The following FGFRL1 variants were observed in gnomAD, a reference collection of about 807,000 sequenced individuals.
FGFRL1 encodes fibroblast growth factor receptor like 1.
In FGFRL1, 24 loss-of-function variants were observed where a neutral mutation model predicts 36.8. That is an observed-to-expected ratio of 0.65 (90% CI 0.47 to 0.92). The LOEUF is 0.92. FGFRL1 is among the 40% of genes least tolerant of loss of function. The pLI is 0.00. For synonymous variants in FGFRL1, 422 were observed against 344.1 expected, an observed-to-expected ratio of 1.23 and a Z score of -2.50; for missense variants, 785 against 753.4, an observed-to-expected ratio of 1.04 and a Z score of -0.49.
chr4:1,023,691 G>T lies in FGFRL1; in HGVS notation c.403G>T (p.Gly135Cys), dbSNP rs1438297039. 3 of 1,599,916 alleles carry T rather than the reference G, an allele frequency of 1.9e-6. No individual in the cohort carries two copies. Among genetic ancestry groups the T allele is most frequent in the Non-Finnish European group, 2.6e-6 (3 of 1,175,552 alleles). The change falls in exon 4 of 7, where the codon GGT becomes TGT. Residue 135 changes from glycine to cysteine, a missense_variant. By Grantham distance (159) the Gly-to-Cys change is radical. Coordinates refer to ENST00000510644, the MANE Select transcript of FGFRL1 (RefSeq NM_001004356.3). This position sits in a 1 kb window ranked among gnomAD's most constrained non-coding sequence, Gnocchi z 6.0. ...CCTGGGGCCCGACAGCTCCTCTGGG[G>T]GTCAAGAGGACCCCGCCAGCCAGCA... ...ESLGPDSSSG[G>C]QEDPASQQWA...
At position 1,025,066 on chromosome 4, in the gene FGFRL1, C is replaced by T. The variant is rs760955260; in HGVS notation, c.1234C>T (p.Pro412Ser). The T allele has an allele frequency of 1.2e-6, 2 of 1,609,770 alleles. No individual in the cohort carries two copies. Among genetic ancestry groups the T allele is most frequent in the Non-Finnish European group, 1.7e-6 (2 of 1,178,444 alleles). ...GAAGCCGTGCACCCCCGCGCCTGCC[C>T]CTCCCCTGCCTGGGCACCGCCCGCC... ...QKKPCTPAPAPPLPGHRPPGT... is the reference protein window; with the variant it reads ...QKKPCTPAPASPLPGHRPPGT... Residue 412 changes from proline to serine, a missense_variant, in exon 7 of 7, where the codon CCT becomes TCT. Transcript: ENST00000510644.
Position 1,012,523 on chromosome 4 carries a change from C to G in FGFRL1, c.38C>G (p.Pro13Arg), listed in dbSNP as rs1165784717. 1 of 1,545,164 alleles carries G rather than the reference C, an allele frequency of 6.5e-7. No homozygotes were observed. Among genetic ancestry groups the G allele is most frequent in the Non-Finnish European group, 8.7e-7 (1 of 1,150,724 alleles). ...CCCCTGTTGCTGCTCCTGCTGCCGCCGCTGCTGCTGGGGGCCTTCCCGCCG... is the reference window on the plus strand; with the variant it reads ...CCCCTGTTGCTGCTCCTGCTGCCGCGGCTGCTGCTGGGGGCCTTCCCGCCG... ...PSPLLLLLLPPLLLGAFPPAA... is the reference protein window; with the variant it reads ...PSPLLLLLLPRLLLGAFPPAA... The change falls in exon 2 of 7, where the codon CCG becomes CGG. Residue 13 changes from proline to arginine, a missense_variant. Physicochemically the swap from Pro to Arg is moderately radical, Grantham distance 103. Transcript: ENST00000510644.
intron 2 of FGFRL1, among the ~76,000 whole-genome samples, chr4:1,013,500 G>A (rs1009510724): frequency 1.3e-5 from 2 of 151,770 alleles, no homozygotes; most frequent in Admixed American, 6.5e-5. Context: ...GGTGGCGGGC[G>A]GTGACCAGGT....
At chr4:1,016,942 C>T (rs1012889802) in intron 2 of FGFRL1, among the ~76,000 whole-genome samples, 1 of 152,156 alleles carries the variant, frequency 6.6e-6, no homozygotes, top group Non-Finnish European at 1.5e-5. Flanking sequence ...CCCCTGGGGG[C>T]CTGGCACAGC....
intron 2 of FGFRL1, among the ~76,000 whole-genome samples, chr4:1,019,507 T>G (rs1345099462): frequency 6.6e-6 from 1 of 152,100 alleles, no homozygotes; most frequent in Non-Finnish European, 1.5e-5. Flanking sequence ...CAGCGACAGG[T>G]GCTGGTGGGG....
intron 2 of FGFRL1, among the ~76,000 whole-genome samples, chr4:1,014,031 A>G (rs1715750342): frequency 6.6e-6 from 1 of 152,066 alleles, no homozygotes. Flanking sequence ...GACTGTGCTG[A>G]TTTTCCTAGC....
chr4:1,013,287 C>T (rs944388125), intron 2 of FGFRL1, among the ~76,000 whole-genome samples: 2 of 152,272 alleles, frequency 1.3e-5, no homozygotes, highest in Non-Finnish European at 2.9e-5. Flanking sequence ...AGACTCATGC[C>T]CGCCATGTTC....
Position 1,024,048 on chromosome 4 carries a change from G to T in FGFRL1, c.665G>T (p.Arg222Leu). The change falls in exon 5 of 7, where the codon CGC (arginine) becomes CTC (leucine). Residue 222 changes from arginine to leucine, a missense_variant. Transcript: ENST00000510644. The stretch of plus-strand genomic sequence containing the variant: ...GAGGACAGCGGCAAATACACCTGCC[G>T]CGTGTCGAACCGCGCGGGCGCCATC... ...RPEDSGKYTC[R>L]VSNRAGAINA... is the part of the protein sequence containing the mutation. 6.2e-7 allele frequency: 1 copy of T among 1,606,950 alleles called. No individual in the cohort carries two copies.
chr4:1,022,098 C>G, intron 2 of FGFRL1, 105 bp from the exon 3 acceptor site: 1 of 887,478 alleles, frequency 1.1e-6, no homozygotes, highest in Non-Finnish European at 1.7e-6. Flanking sequence ...CCAGGTGGAG[C>G]TCAGGCCCGA....
chr4:1,014,503 C>T (rs1715780779), intron 2 of FGFRL1, among the ~76,000 whole-genome samples: 1 of 152,252 alleles, frequency 6.6e-6, no homozygotes, highest in Admixed American at 6.5e-5. Flanking sequence ...TCCTCTGCAC[C>T]CGGCCAGCTG....
At position 1,011,662 on chromosome 4, in the gene FGFRL1, G is replaced by C. The variant is rs1384764482; in HGVS notation, c.-309G>C. On this transcript the variant is annotated 5_prime_UTR_variant, in exon 1 of 7. Coordinates refer to ENST00000510644, the MANE Select transcript of FGFRL1 (RefSeq NM_001004356.3). Reference sequence around the variant, plus strand: ...AGCCCCGCAGGGAAGGACGCCTCGCGGCGCGGCGCCCCGGGCCCCTCGCCC... The same window carrying C: ...AGCCCCGCAGGGAAGGACGCCTCGCCGCGCGGCGCCCCGGGCCCCTCGCCC... Among the ~76,000 whole-genome samples the C allele has an allele frequency of 7.0e-6, 1 of 143,032 alleles. No homozygotes were observed. The highest frequency in any genetic ancestry group is 1.5e-5 in the Non-Finnish European group (1 of 64,746). The allele number at this position is 143,032 out of a possible 152,430, so 93.8% of individuals were successfully genotyped here.
Position 1,023,820 on chromosome 4 carries a change from G to T in FGFRL1, c.437G>T (p.Arg146Leu). The change falls in exon 5 of 7, where the codon CGA becomes CTA. Residue 146 changes from arginine to leucine, a missense_variant. Arg to Leu is a moderately radical substitution (Grantham distance 102). Coordinates refer to ENST00000510644, the MANE Select transcript of FGFRL1 (RefSeq NM_001004356.3). The surrounding 1 kb of genome is among the most constrained non-coding windows in gnomAD (Gnocchi z 6.0). ...QEDPASQQWARPRFTQPSKMR... is the reference protein window; with the variant it reads ...QEDPASQQWALPRFTQPSKMR... ...TCCACGCCACCCCACCCCGCAGCAC[G>T]ACCGCGCTTCACACAGCCCTCCAAG... 6.3e-7 allele frequency: 1 copy of T among 1,577,910 alleles called. No homozygotes were observed. The highest frequency in any genetic ancestry group is 1.1e-5 in the South Asian group (1 of 87,564).
intron 2 of FGFRL1, among the ~76,000 whole-genome samples, chr4:1,018,533 T>C (rs1247261096): frequency 2.6e-5 from 4 of 152,132 alleles, no homozygotes; most frequent in African/African-American, 4.8e-5. Flanking sequence ...CGGCTGTGGC[T>C]AAGTGTGTGT....
rs979211710 is a variant in FGFRL1, at chr4:1,024,890, C to T, written c.1073-15C>T. 5.7e-6 allele frequency: 9 copies of T among 1,575,296 alleles called. No homozygotes were observed. Among genetic ancestry groups the T allele is most frequent in the Admixed American group, 1.7e-5 (1 of 58,186 alleles). On this transcript the variant is annotated splice_polypyrimidine_tract_variant and intron_variant, in intron 6 of 6. Transcript: ENST00000510644. ...GGCGTTCCCCTCCCTACCTCCTTTCCTCTCGCTCTTGCAGACCCAAAACCG... is the reference window on the plus strand; with the variant it reads ...GGCGTTCCCCTCCCTACCTCCTTTCTTCTCGCTCTTGCAGACCCAAAACCG...
rs1716329571 is a variant in FGFRL1 at position 1,023,752 on chromosome 4, T to C, written c.433+31T>C. ...CAGGGGGTGACGGGGGTGGGGGGCGTCCGTCTGTCCCGGCCCCTTGGCTGC... is the reference window on the plus strand; with the variant it reads ...CAGGGGGTGACGGGGGTGGGGGGCGCCCGTCTGTCCCGGCCCCTTGGCTGC... On this transcript the variant is annotated intron_variant, in intron 4 of 6. Transcript: ENST00000510644. The surrounding 1 kb of genome is among the most constrained non-coding windows in gnomAD (Gnocchi z 6.0). The C allele has an allele frequency of 1.3e-6, 2 of 1,548,892 alleles. No homozygotes were observed. Among genetic ancestry groups the C allele is most frequent in the Non-Finnish European group, 1.7e-6 (2 of 1,147,552 alleles).
In FGFRL1 at chr4:1,025,010, C is replaced by T; in HGVS notation, c.1178C>T (p.Thr393Ile). ...GCCGGCGCTGTCTTCATCCTGGGCACCCTGCTCCTGTGGCTTTGCCAGGCC... is the reference window on the plus strand; with the variant it reads ...GCCGGCGCTGTCTTCATCCTGGGCATCCTGCTCCTGTGGCTTTGCCAGGCC... ...IPAGAVFILG[T>I]LLLWLCQAQK... Residue 393 changes from threonine (T) to isoleucine (I), a missense_variant, in exon 7 of 7, where the codon ACC becomes ATC. Thr to Ile is a moderately conservative substitution (Grantham distance 89). Coordinates refer to ENST00000510644, the MANE Select transcript of FGFRL1 (RefSeq NM_001004356.3). The T allele has an allele frequency of 1.9e-6, 3 of 1,611,102 alleles. No homozygotes were observed. Among genetic ancestry groups the T allele is most frequent in the Non-Finnish European group, 2.5e-6 (3 of 1,179,732 alleles).
intron 2 of FGFRL1, among the ~76,000 whole-genome samples, chr4:1,019,078 G>A (rs1048291485): frequency 2.0e-5 from 3 of 152,226 alleles, no homozygotes; most frequent in Non-Finnish European, 4.4e-5. Context: ...ACAGGCGGGG[G>A]TCCCGCCTCC....
At chr4:1,010,381 G>A (rs1256229074), upstream of FGFRL1, among the ~76,000 whole-genome samples, 1 of 152,252 alleles carries the variant, frequency 6.6e-6, no homozygotes, top group Non-Finnish European at 1.5e-5. Flanking sequence ...TTGGGGTGGA[G>A]GACGCTGGGC....
At chr4:1,013,563 G>A (rs1715726528) in intron 2 of FGFRL1, among the ~76,000 whole-genome samples, 2 of 152,262 alleles carry the variant, frequency 1.3e-5, no homozygotes, top group Admixed American at 1.3e-4. Context: ...ACATGGGCCT[G>A]GCTGAGCGGC....
Sources: gnomAD v4.1 joint callset for allele counts (sites outside exome capture counted in the v4.1 genomes callset) on GRCh38, gnomAD v4.1.1 for gene constraint, Gnocchi (gnomAD v3.1) non-coding constraint, MANE v1.5 for transcripts, NCBI Gene and HGNC (gene_info 2026-07-23, HGNC 2026-07-21) for gene names.